Variants in NSD3 observed in about 807,000 individuals in gnomAD.
The protein encoded by NSD3 is histone-lysine N-methyltransferase NSD3.
A neutral mutation model predicts 160.8 loss-of-function variants in NSD3; 24 were observed. The ratio of observed to expected loss-of-function variants is 0.15; its 90% CI spans 0.11 to 0.21. The LOEUF (loss-of-function observed/expected upper bound fraction) is 0.21. Among genes scored for constraint, NSD3 ranks in the 10% least tolerant of loss-of-function variants. NSD3 has a pLI of 1.00. For synonymous variants in NSD3, 520 were observed against 600.0 expected (o/e 0.87, Z 1.95); for missense variants, 1,157 against 1,735.9 (o/e 0.67, Z 5.93).
chr8:38,330,091 T>C (rs1420802108), intron 5 of NSD3, among the ~76,000 whole-genome samples, 198 bp from the exon 6 acceptor site: 3 of 152,230 alleles, frequency 2.0e-5, no homozygotes, highest in Non-Finnish European at 4.4e-5. Context: ...TACTCTCTTT[T>C]ATATCCTTCC....
At chr8:38,306,885 C>T (rs371469413) in intron 12 of NSD3, among the ~76,000 whole-genome samples, 5 of 151,910 alleles carry the variant, frequency 3.3e-5, no homozygotes, top group South Asian at 2.1e-4. Flanking sequence ...GAGGCCAAGG[C>T]GGGTGGATCA....
chr8:38,303,863 CA>C (rs1400647048), intron 14 of NSD3, among the ~76,000 whole-genome samples: 4 of 152,094 alleles, frequency 2.6e-5, no homozygotes, highest in African/African-American at 9.7e-5. Flanking sequence ...TACTAAGTAC[CA>C]AAAAAGTTTT....
intron 1 of NSD3, among the ~76,000 whole-genome samples, chr8:38,376,427 A>T (rs927024910): frequency 6.6e-6 from 1 of 151,368 alleles, no homozygotes; most frequent in African/African-American, 2.4e-5. Context: ...AGGCAGCTCT[A>T]ATTCTTTCTT....
chr8:38,329,573 C>T lies in NSD3; in HGVS notation c.1386G>A (p.Glu462=), dbSNP rs147811287. 1.2e-5 allele frequency: 19 copies of T among 1,614,114 alleles called. No homozygotes were observed. In the African/African-American group the frequency reaches 2.3e-4, roughly 19 times the overall value. Residue 462 remains glutamate, a synonymous_variant, in exon 6 of 24, where the codon GAG becomes GAA. Coordinates refer to ENST00000317025, the MANE Select transcript of NSD3 (RefSeq NM_023034.2). This position sits in a 1 kb window ranked among gnomAD's most constrained non-coding sequence, Gnocchi z 4.8. Reference sequence around the variant, plus strand: ...TCCAGGCTATTTTAACAGGCGGTGGCTCTTCCTCTTCCGCACTTGTGTGCC... The same window carrying T: ...TCCAGGCTATTTTAACAGGCGGTGGTTCTTCCTCTTCCGCACTTGTGTGCC... ...QRRHTSAEEE[E]PPPVKIAWKT...
At chr8:38,285,895 T>C (rs949812052) in intron 19 of NSD3, among the ~76,000 whole-genome samples, 1 of 152,138 alleles carries the variant, frequency 6.6e-6, no homozygotes, top group Non-Finnish European at 1.5e-5. Context: ...CACCATTGTC[T>C]TTCTCCTGGG....
chr8:38,322,378 G>A lies in NSD3; in HGVS notation c.1709-1206C>T, dbSNP rs536037972. Among the ~76,000 whole-genome samples, 6 of 152,140 alleles carry A rather than the reference G, an allele frequency of 3.9e-5. No individual in the cohort carries two copies. In the East Asian group the frequency reaches 5.8e-4, roughly 15 times the overall value. On this transcript the variant is annotated intron_variant, in intron 7 of 23. Transcript: ENST00000317025. ...CTCTCACTCTTCTCCTTACACTGAC[G>A]AAAATGTTTACTAAGACAGCAGATA... is the stretch of plus-strand genomic sequence containing the variant.
chr8:38,294,205 T>G (rs927545467), intron 16 of NSD3, among the ~76,000 whole-genome samples: 3 of 152,152 alleles, frequency 2.0e-5, no homozygotes, highest in African/African-American at 7.2e-5. Flanking sequence ...TCCTCCAGAC[T>G]TAGTTTCCCG....
intron 15 of NSD3, among the ~76,000 whole-genome samples, chr8:38,298,565 G>A (rs1482960781): frequency 6.6e-6 from 1 of 151,586 alleles, no homozygotes; most frequent in Non-Finnish European, 1.5e-5. Flanking sequence ...TGTGTATAGA[G>A]TATATTAGTT....
intron 2 of NSD3, among the ~76,000 whole-genome samples, chr8:38,345,745 GA>G (rs773179138): frequency 2.7e-3 from 375 of 136,416 alleles, no homozygotes; most frequent in Middle Eastern, 3.8e-3. Flanking sequence ...GTCTCTACTT[GA>G]AAAAAAAAAA....
intron 16 of NSD3, among the ~76,000 whole-genome samples, chr8:38,292,125 G>A (rs2130995432): frequency 6.6e-6 from 1 of 152,186 alleles, no homozygotes; most frequent in South Asian, 2.1e-4. Context: ...TTCTTACATT[G>A]TTTTAGATAT....
At chr8:38,315,261 GA>G (rs966456711) in intron 11 of NSD3, among the ~76,000 whole-genome samples, 154 bp downstream of exon 11, 1 of 151,922 alleles carries the variant, frequency 6.6e-6, no homozygotes, top group African/African-American at 2.4e-5. Flanking sequence ...CTCAGAAAGG[GA>G]AAAAAAGAAC....
At position 38,316,793 on chromosome 8, in the gene NSD3, G is replaced by A. The variant is rs1377995335; in HGVS notation, c.1856-751C>T. 6.6e-6 allele frequency: 7 copies of A among 1,060,824 alleles called. No individual in the cohort carries two copies. The highest frequency in any genetic ancestry group is 8.0e-6 in the Non-Finnish European group (7 of 876,320). The allele number at this position is 1,060,824 out of a possible 1,614,324, so 65.7% of individuals were successfully genotyped here. A position where few individuals can be genotyped will look rare whatever the true frequency, so the allele number is the denominator to read the frequency against. ...AGAAATAAATAGGAAAAAAAAGGCA[G>A]AGAATAGTGTGGAATTGTTTTTTTT... On this transcript the variant is annotated intron_variant, in intron 9 of 23. Coordinates refer to ENST00000317025, the MANE Select transcript of NSD3 (RefSeq NM_023034.2). The surrounding 1 kb of genome is among the most constrained non-coding windows in gnomAD (Gnocchi z 4.5).
chr8:38,317,976 T>C lies in NSD3; in HGVS notation c.1855+919A>G. The C allele has an allele frequency of 6.2e-7, 1 of 1,614,168 alleles. No individual in the cohort carries two copies. Among genetic ancestry groups the C allele is most frequent in the South Asian group, 1.1e-5 (1 of 91,086 alleles). ...GAATCTCAGTCCACAGTTTCCTCAATCGCTGCGGAGACGGAGCTGTCACTG... is the reference window on the plus strand; with the variant it reads ...GAATCTCAGTCCACAGTTTCCTCAACCGCTGCGGAGACGGAGCTGTCACTG... On this transcript the variant is annotated intron_variant, in intron 9 of 23. Coordinates refer to ENST00000317025, the MANE Select transcript of NSD3 (RefSeq NM_023034.2). The surrounding 1 kb of genome is among the most constrained non-coding windows in gnomAD (Gnocchi z 5.3).
At chr8:38,337,110 C>T (rs1479188492) in intron 4 of NSD3, among the ~76,000 whole-genome samples, 195 bp downstream of exon 4, 9 of 150,126 alleles carry the variant, frequency 6.0e-5, no homozygotes, top group Non-Finnish European at 1.5e-5. Flanking sequence ...CCATTGCACT[C>T]CAGCCTGGGC....
Position 38,305,309 on chromosome 8 carries a change from G to A in NSD3, c.2379C>T (p.Arg793=), listed in dbSNP as rs751346619. 1 of 1,614,202 alleles carries A rather than the reference G, an allele frequency of 6.2e-7. No individual in the cohort carries two copies. Among genetic ancestry groups the A allele is most frequent in the South Asian group, 1.1e-5 (1 of 91,084 alleles). ...AGGCAGAGCAGCAGTGCTGAGGACA[G>A]CGGAATCCTTTTGATTCAAAGATGG... ...PTAIFESKGF[R]CPQHCCSACS... is the part of the protein sequence containing the mutation. The change falls in exon 13 of 24, where the codon CGC becomes CGT. Residue 793 remains arginine, a synonymous_variant. Coordinates refer to ENST00000317025, the MANE Select transcript of NSD3 (RefSeq NM_023034.2).
At chr8:38,292,128 TTA>T (rs1486050692) in intron 16 of NSD3, among the ~76,000 whole-genome samples, 1 of 152,256 alleles carries the variant, frequency 6.6e-6, no homozygotes, top group Non-Finnish European at 1.5e-5. Context: ...TTACATTGTT[TTA>T]GATATTTCTT....
chr8:38,356,499 T>C (rs903524036), intron 1 of NSD3, among the ~76,000 whole-genome samples: 1 of 151,984 alleles, frequency 6.6e-6, no homozygotes, highest in Admixed American at 6.6e-5. Flanking sequence ...GAGGGCCTGT[T>C]TGAGGCCAGG....
In NSD3 at chr8:38,348,097, G is replaced by T. The variant is rs750421696; in HGVS notation, c.75C>A (p.Ser25=). The T allele has an allele frequency of 1.2e-6, 2 of 1,613,754 alleles. No homozygotes were observed. Among genetic ancestry groups the T allele is most frequent in the Non-Finnish European group, 1.7e-6 (2 of 1,179,908 alleles). Residue 25 remains serine (S), a synonymous_variant, in exon 2 of 24, where the codon TCC becomes TCA. Coordinates refer to ENST00000317025, the MANE Select transcript of NSD3 (RefSeq NM_023034.2). ...TIQQPPQLID[S]ANIRQEDAFD... ...AGGCATCCTCCTGACGGATGTTGGC[G>T]GAGTCAATGAGTTGAGGTGGTTGCT...
rs909923164 is a variant in NSD3, at chr8:38,337,173, A to G, written c.910+132T>C. 7 of 924,328 alleles carry G rather than the reference A, an allele frequency of 7.6e-6. No individual in the cohort carries two copies. The African/African-American group carries it at 1.2e-4, about 16-fold the overall frequency. 57.3% of individuals were successfully genotyped at this position (924,328 alleles called of 1,614,324 possible). A position where few individuals can be genotyped will look rare whatever the true frequency, so the allele number is the denominator to read the frequency against. On this transcript the variant is annotated intron_variant, in intron 4 of 23. Transcript: ENST00000317025. The stretch of plus-strand genomic sequence containing the variant: ...AAAAAAGAAAAAAAAAAAATCCACA[A>G]AACTGATACGGATATGCACATTTTT...
Sources: allele counts gnomAD v4.1 joint callset (sites outside exome capture counted in the v4.1 genomes callset), GRCh38; gene constraint gnomAD v4.1.1; non-coding constraint Gnocchi (gnomAD v3.1); transcripts MANE v1.5; gene names NCBI Gene and HGNC (gene_info 2026-07-23, HGNC 2026-07-21).